The following FAM135B variants were observed in gnomAD, a reference collection of about 807,000 sequenced individuals.
FAM135B encodes protein FAM135B.
FAM135B carries 43 observed loss-of-function variants against 127.7 expected under a neutral mutation model. That is an observed-to-expected ratio of 0.34 (90% CI 0.26 to 0.43). The LOEUF (loss-of-function observed/expected upper bound fraction) is 0.43, where lower values mean the gene tolerates loss of function less well. FAM135B is among the 20% of genes least tolerant of loss of function. FAM135B has a pLI of 1.00. For synonymous variants in FAM135B, 670 were observed against 665.1 expected, an observed-to-expected ratio of 1.01 and a Z score of -0.11; for missense variants, 1,558 against 1,725.6, an observed-to-expected ratio of 0.90 and a Z score of 1.72.
intron 1 of FAM135B, among the ~76,000 whole-genome samples, chr8:138,448,375 T>A (rs971131390): frequency 2.6e-5 from 4 of 152,156 alleles, no homozygotes; most frequent in African/African-American, 9.7e-5. Flanking sequence ...AGACTGCCCC[T>A]TCCAAGAATA....
At chr8:138,255,985 G>C (rs533794042) in intron 5 of FAM135B, among the ~76,000 whole-genome samples, 4 of 152,220 alleles carry the variant, frequency 2.6e-5, no homozygotes, top group Admixed American at 1.3e-4. Context: ...CCCTAGGGAA[G>C]CCTGGATCTG....
intron 2 of FAM135B, among the ~76,000 whole-genome samples, chr8:138,333,815 A>G (rs1447695613): frequency 6.6e-6 from 1 of 152,224 alleles, no homozygotes; most frequent in African/African-American, 2.4e-5. Context: ...TGCTTGACTG[A>G]TAACTGCAGA....
intron 9 of FAM135B, among the ~76,000 whole-genome samples, chr8:138,193,424 G>A (rs902501681): frequency 1.3e-5 from 2 of 152,146 alleles, no homozygotes; most frequent in African/African-American, 4.8e-5. Context: ...CGGAGAACCT[G>A]CAGGCCACAC....
chr8:138,465,092 C>T (rs890894586), intron 1 of FAM135B, among the ~76,000 whole-genome samples: 3 of 152,010 alleles, frequency 2.0e-5, no homozygotes, highest in Non-Finnish European at 2.9e-5. Context: ...AAGCCAAAAG[C>T]GGGAAGAGAA....
intron 7 of FAM135B, among the ~76,000 whole-genome samples, chr8:138,226,718 T>G (rs773107623): frequency 2.0e-5 from 3 of 152,142 alleles, no homozygotes; most frequent in Non-Finnish European, 1.5e-5. Flanking sequence ...TGCACCACCA[T>G]GCCCAGCTAA....
At chr8:138,337,115 A>G (rs1426061266) in intron 2 of FAM135B, among the ~76,000 whole-genome samples, 2 of 152,178 alleles carry the variant, frequency 1.3e-5, no homozygotes, top group Non-Finnish European at 2.9e-5. Context: ...TCTCAAAATA[A>G]TAAGAGCTAT....
intron 1 of FAM135B, among the ~76,000 whole-genome samples, chr8:138,396,759 A>G (rs1832876749): frequency 1.3e-5 from 2 of 152,060 alleles, no homozygotes; most frequent in Admixed American, 1.3e-4. Flanking sequence ...CTGCAGGGCC[A>G]CTGACTCCAC....
intron 1 of FAM135B, among the ~76,000 whole-genome samples, chr8:138,416,940 C>T (rs1266893387): frequency 6.6e-6 from 1 of 152,122 alleles, no homozygotes; most frequent in Non-Finnish European, 1.5e-5. Context: ...TGGAGTGGCC[C>T]AGTCTCATCA....
At chr8:138,195,633 T>TACACACAC (rs34987954) in intron 8 of FAM135B, among the ~76,000 whole-genome samples, 4 of 149,668 alleles carry the variant, frequency 2.7e-5, no homozygotes, top group African/African-American at 7.4e-5. Context: ...TTTTTGCAGG[T>TACACACAC]ACACACACAC....
chr8:138,284,556 C>A (rs535461762), intron 3 of FAM135B, among the ~76,000 whole-genome samples: 1 of 151,882 alleles, frequency 6.6e-6, no homozygotes, highest in South Asian at 2.1e-4. Context: ...GGATCCAACT[C>A]CTTCCAGCTC....
chr8:138,167,893 A>G lies in FAM135B; in HGVS notation c.1258+2T>C. The G allele has an allele frequency of 6.2e-7, 1 of 1,604,690 alleles. No individual in the cohort carries two copies. The highest frequency in any genetic ancestry group is 8.5e-7 in the Non-Finnish European group (1 of 1,174,656). Reference sequence around the variant, plus strand: ...AGTCTTTCCAAAACAAAACAGACAAACCTGTCGCAGGGCAGTCCACGTATC... The same window carrying G: ...AGTCTTTCCAAAACAAAACAGACAAGCCTGTCGCAGGGCAGTCCACGTATC... On this transcript the variant is annotated splice_donor_variant, in intron 12 of 19. Transcript: ENST00000395297. LOFTEE classifies it high-confidence loss of function.
intron 1 of FAM135B, among the ~76,000 whole-genome samples, chr8:138,411,492 G>T (rs1000066047): frequency 6.6e-6 from 1 of 152,004 alleles, no homozygotes; most frequent in African/African-American, 2.4e-5. Context: ...AATTCAAGAT[G>T]GATTAAAGAC....
intron 1 of FAM135B, among the ~76,000 whole-genome samples, chr8:138,420,439 C>A (rs1055980808): frequency 6.6e-6 from 1 of 152,024 alleles, no homozygotes; most frequent in African/African-American, 2.4e-5. Flanking sequence ...ACAGGTGACA[C>A]CAAAACTACT....
At chr8:138,286,400 G>A (rs558568622) in intron 3 of FAM135B, among the ~76,000 whole-genome samples, 2 of 152,218 alleles carry the variant, frequency 1.3e-5, no homozygotes, top group Non-Finnish European at 2.9e-5. Context: ...TTTGGAGAGA[G>A]CTTTTGCTAT....
intron 1 of FAM135B, among the ~76,000 whole-genome samples, chr8:138,485,820 T>A (rs530542784): frequency 3.3e-5 from 5 of 151,966 alleles, no homozygotes; most frequent in African/African-American, 1.2e-4. Flanking sequence ...ACAGCAATAG[T>A]AGGAAAACTC....
intron 3 of FAM135B, among the ~76,000 whole-genome samples, chr8:138,275,830 G>A (rs1410436225): frequency 2.0e-5 from 3 of 152,190 alleles, no homozygotes; most frequent in African/African-American, 7.2e-5. Context: ...CAGCCATAGT[G>A]AGGACTGAAC....
intron 1 of FAM135B, chr8:138,441,518 A>T (rs1027677457): frequency 2.0e-5 from 3 of 152,206 alleles, no homozygotes; most frequent in Non-Finnish European, 4.4e-5. Flanking sequence ...TGAAGAACTA[A>T]ATACACTCTC....
chr8:138,431,862 C>A (rs1835206222), intron 1 of FAM135B, among the ~76,000 whole-genome samples: 1 of 152,116 alleles, frequency 6.6e-6, no homozygotes, highest in Non-Finnish European at 1.5e-5. Flanking sequence ...GACAGAGAGT[C>A]AAGAAGAGAA....
chr8:138,418,884 C>CAAAA (rs761615203), intron 1 of FAM135B, among the ~76,000 whole-genome samples: 1 of 116,332 alleles, frequency 8.6e-6, no homozygotes, highest in African/African-American at 3.1e-5. Context: ...TCACCAACCA[C>CAAAA]AAAAAAAAAA....
Sources: gnomAD v4.1 joint callset for allele counts (sites outside exome capture counted in the v4.1 genomes callset) on GRCh38, gnomAD v4.1.1 for gene constraint, MANE v1.5 for transcripts, NCBI Gene and HGNC (gene_info 2026-07-23, HGNC 2026-07-21) for gene names.